DGKB: variants seen among roughly 807,000 people sequenced by gnomAD.
The protein encoded by DGKB is diacylglycerol kinase beta.
In DGKB, 67 loss-of-function variants were observed where a neutral mutation model predicts 114.3. That is an observed-to-expected ratio of 0.59 (90% confidence interval 0.48 to 0.72). The LOEUF (loss-of-function observed/expected upper bound fraction) is 0.72. Among genes scored for constraint, DGKB ranks in the 30% least tolerant of loss-of-function variants. DGKB has a pLI of 0.00. For synonymous variants in DGKB, 398 were observed against 323.1 expected, an observed-to-expected ratio of 1.23 and a Z score of -2.49; for missense variants, 907 against 975.2, an observed-to-expected ratio of 0.93 and a Z score of 0.93.
chr7:14,718,628 G>C lies in DGKB; in HGVS notation c.380C>G (p.Thr127Arg), dbSNP rs765803079. The C allele has an allele frequency of 6.2e-7, 1 of 1,611,648 alleles. No individual in the cohort carries two copies. The highest frequency in any genetic ancestry group is 8.5e-7 in the Non-Finnish European group (1 of 1,178,194). The change falls in exon 6 of 26, where the codon ACG (threonine) becomes AGG (arginine). Residue 127 changes from threonine to arginine, a missense_variant. Transcript: ENST00000402815. ...CAGATGGATTACTTCTGGGGAACAC[G>C]TATTTGCAGGAGAAGTAGTCCGGGG... Reference protein sequence around the residue: ...TPPRTTSPANTCSPEVIHLKD... With the variant: ...TPPRTTSPANRCSPEVIHLKD...
At chr7:14,370,307 T>C (rs1339814368) in intron 21 of DGKB, among the ~76,000 whole-genome samples, 1 of 151,608 alleles carries the variant, frequency 6.6e-6, no homozygotes, top group Non-Finnish European at 1.5e-5. Context: ...TTGGTCTATA[T>C]ATGCTGTTTT....
intron 21 of DGKB, among the ~76,000 whole-genome samples, chr7:14,437,882 A>G (rs1319675358): frequency 6.6e-6 from 1 of 151,490 alleles, no homozygotes; most frequent in Admixed American, 6.6e-5. Context: ...GTCTTTACAT[A>G]ACTGAAAAAC....
chr7:14,351,875 C>A (rs545120085), intron 21 of DGKB, among the ~76,000 whole-genome samples: 1 of 152,050 alleles, frequency 6.6e-6, no homozygotes, highest in Admixed American at 6.6e-5. Context: ...TAAACTCAGG[C>A]TTTTTTGTTC....
chr7:14,180,489 C>A (rs1367515702), intron 23 of DGKB, among the ~76,000 whole-genome samples: 6 of 152,090 alleles, frequency 3.9e-5, no homozygotes, highest in African/African-American at 1.4e-4. Flanking sequence ...ACTTAGAACA[C>A]CCAGGCTTTT....
At chr7:14,495,092 A>G (rs2128941002) in intron 20 of DGKB, among the ~76,000 whole-genome samples, 1 of 152,010 alleles carries the variant, frequency 6.6e-6, no homozygotes, top group South Asian at 2.1e-4. Flanking sequence ...TTGTATTTCA[A>G]GTTGACCCAT....
chr7:14,935,071 A>G (rs558771168), intron 1 of DGKB, among the ~76,000 whole-genome samples: 1 of 152,162 alleles, frequency 6.6e-6, no homozygotes, highest in African/African-American at 2.4e-5. Flanking sequence ...CTTTCTGAGA[A>G]TATCAGCTGA....
chr7:14,425,388 G>A (rs1408466687), intron 21 of DGKB, among the ~76,000 whole-genome samples: 1 of 151,976 alleles, frequency 6.6e-6, no homozygotes, highest in African/African-American at 2.4e-5. Context: ...GAACCATATA[G>A]TTGCTTTATA....
intron 1 of DGKB, among the ~76,000 whole-genome samples, chr7:14,935,650 T>C (rs1235789410): frequency 6.6e-6 from 1 of 152,158 alleles, no homozygotes; most frequent in Admixed American, 6.5e-5. Flanking sequence ...ATACTACTTC[T>C]GTATGGTAAG....
At chr7:14,683,083 T>A (rs1821108729) in intron 10 of DGKB, among the ~76,000 whole-genome samples, 1 of 152,126 alleles carries the variant, frequency 6.6e-6, no homozygotes, top group African/African-American at 2.4e-5. Flanking sequence ...TAGCAGGAAA[T>A]GCTTAATTAA....
chr7:14,743,607 C>G (rs1832865285), intron 4 of DGKB, among the ~76,000 whole-genome samples: 1 of 151,988 alleles, frequency 6.6e-6, no homozygotes, highest in African/African-American at 2.4e-5. Flanking sequence ...CATGGGATCT[C>G]CAAAATGATG....
chr7:14,153,547 C>G (rs1158237631), intron 25 of DGKB, among the ~76,000 whole-genome samples: 1 of 152,056 alleles, frequency 6.6e-6, no homozygotes, highest in East Asian at 1.9e-4. Flanking sequence ...AATGCAAGAG[C>G]TGGGTTTGAT....
chr7:14,358,224 T>C (rs1258889665), intron 21 of DGKB, among the ~76,000 whole-genome samples: 3 of 152,214 alleles, frequency 2.0e-5, no homozygotes, highest in African/African-American at 4.8e-5. Flanking sequence ...CACTTTCAGG[T>C]ACACCAGTCA....
chr7:14,159,695 G>A (rs978430609), intron 25 of DGKB, among the ~76,000 whole-genome samples: 2 of 152,088 alleles, frequency 1.3e-5, no homozygotes, highest in African/African-American at 4.8e-5. Context: ...TTGAGATGGA[G>A]TCTTGCTCTT....
intron 21 of DGKB, among the ~76,000 whole-genome samples, chr7:14,468,897 C>T (rs996490479): frequency 6.6e-6 from 1 of 151,780 alleles, no homozygotes; most frequent in Non-Finnish European, 1.5e-5. Flanking sequence ...CATGCAAATT[C>T]ATGTAAAGTA....
At chr7:14,505,108 C>G (rs1786823852) in intron 20 of DGKB, among the ~76,000 whole-genome samples, 1 of 152,144 alleles carries the variant, frequency 6.6e-6, no homozygotes, top group Non-Finnish European at 1.5e-5. Context: ...TCCTTGTCCT[C>G]ATATCCTATG....
At chr7:14,687,156 T>C (rs971197293) in intron 9 of DGKB, among the ~76,000 whole-genome samples, 1 of 152,168 alleles carries the variant, frequency 6.6e-6, no homozygotes, top group African/African-American at 2.4e-5. Context: ...AACTCAAACG[T>C]GAAGCTCCTG....
chr7:14,513,916 C>T (rs1345574476), intron 20 of DGKB, among the ~76,000 whole-genome samples: 1 of 151,624 alleles, frequency 6.6e-6, no homozygotes, highest in Admixed American at 6.6e-5. Flanking sequence ...TATTTTATAC[C>T]AAAATTTGCT....
At chr7:14,156,295 G>A (rs1783009043) in intron 25 of DGKB, among the ~76,000 whole-genome samples, 1 of 152,112 alleles carries the variant, frequency 6.6e-6, no homozygotes, top group African/African-American at 2.4e-5. Flanking sequence ...TTATATTAGA[G>A]AGTGATCTAC....
intron 14 of DGKB, among the ~76,000 whole-genome samples, chr7:14,622,205 C>T (rs1807791045): frequency 6.6e-6 from 1 of 152,042 alleles, no homozygotes; most frequent in Non-Finnish European, 1.5e-5. Context: ...GAATTGATCT[C>T]TTCTTACTCT....
Sources: allele counts gnomAD v4.1 joint callset (sites outside exome capture counted in the v4.1 genomes callset), GRCh38; gene constraint gnomAD v4.1.1; transcripts MANE v1.5; gene names NCBI Gene and HGNC (gene_info 2026-07-23, HGNC 2026-07-21).